Variants in BBS5 observed in about 807,000 individuals in gnomAD.
The protein encoded by BBS5 is BBSome complex member BBS5.
In BBS5, 39 loss-of-function variants were observed where a neutral mutation model predicts 50.2. That is an observed-to-expected ratio of 0.78 (90% CI 0.60 to 1.01). The LOEUF (loss-of-function observed/expected upper bound fraction) is 1.01. Ranked by LOEUF, BBS5 falls within the 50% of genes least tolerant of loss-of-function variation. The pLI is 0.00. For synonymous variants in BBS5, 134 were observed against 133.1 expected (o/e 1.01, Z -0.05); for missense variants, 356 against 401.5 (o/e 0.89, Z 0.97).
In BBS5 at chr2:169,499,986, G is replaced by A. The variant is rs1267281468; in HGVS notation, c.816+366G>A. Among the ~76,000 whole-genome samples the A allele has an allele frequency of 2.6e-5, 4 of 152,222 alleles. No individual in the cohort carries two copies. In the South Asian group the frequency reaches 6.2e-4, roughly 24 times the overall value. Reference sequence around the variant, plus strand: ...AAACCTTATAGTCCTCATGAATACCGTCTTCTGCCTTAGTACTCCACAATA... The same window carrying A: ...AAACCTTATAGTCCTCATGAATACCATCTTCTGCCTTAGTACTCCACAATA... On this transcript the variant is annotated intron_variant, in intron 9 of 11. Transcript: ENST00000295240.
intron 11 of BBS5, 70 bp from the exon 12 acceptor site, chr2:169,504,411 T>C (rs868653164): frequency 1.9e-6 from 3 of 1,581,414 alleles, no homozygotes; most frequent in African/African-American, 2.7e-5. Flanking sequence ...GTGAAACCTA[T>C]TTTTTTGTTT....
At chr2:169,489,554 C>G (rs1411688768) in intron 5 of BBS5, among the ~76,000 whole-genome samples, 1 of 151,384 alleles carries the variant, frequency 6.6e-6, no homozygotes, top group African/African-American at 2.4e-5. Flanking sequence ...GATTCTCCTG[C>G]CTCAGCCTCC....
intron 7 of BBS5, among the ~76,000 whole-genome samples, chr2:169,494,357 C>G (rs1014270196): frequency 1.3e-5 from 2 of 152,136 alleles, no homozygotes; most frequent in African/African-American, 4.8e-5. Context: ...ATTCATACCA[C>G]AGGTTTAGTG....
At chr2:169,500,580 G>T (rs562375692) in intron 9 of BBS5, among the ~76,000 whole-genome samples, 1 of 152,188 alleles carries the variant, frequency 6.6e-6, no homozygotes, top group Non-Finnish European at 1.5e-5. Context: ...CGGTGCCCCT[G>T]CTGGGGCTTG....
Position 169,499,583 on chromosome 2 carries a change from G to A in BBS5, c.779G>A (p.Ser260Asn). 6.2e-7 allele frequency: 1 copy of A among 1,613,796 alleles called. No homozygotes were observed. Among genetic ancestry groups the A allele is most frequent in the Middle Eastern group, 1.7e-4 (1 of 6,060 alleles). ...TCACTTCACAAAGTCTATTCTGCCAGTCCCATATTTGGAGTTGATTATGAG... is the reference window on the plus strand; with the variant it reads ...TCACTTCACAAAGTCTATTCTGCCAATCCCATATTTGGAGTTGATTATGAG... ...INSLHKVYSASPIFGVDYEME... is the reference protein window; with the variant it reads ...INSLHKVYSANPIFGVDYEME... Residue 260 changes from serine to asparagine, a missense_variant, in exon 9 of 12, where the codon AGT (serine) becomes AAT (asparagine). Ser to Asn is a conservative substitution (Grantham distance 46). Coordinates refer to ENST00000295240, the MANE Select transcript of BBS5 (RefSeq NM_152384.3).
Position 169,493,848 on chromosome 2 carries a change from C to A in BBS5, c.618+12C>A, listed in dbSNP as rs771894963. ...CATATCTGCAAATTGTAAGTACATA[C>A]ATTTTGATGACCTTATTTTAATGTA... On this transcript the variant is annotated intron_variant, in intron 7 of 11. Coordinates refer to ENST00000295240, the MANE Select transcript of BBS5 (RefSeq NM_152384.3). The A allele has an allele frequency of 3.3e-6, 5 of 1,495,446 alleles. No homozygotes were observed. Among genetic ancestry groups the A allele is most frequent in the Non-Finnish European group, 2.8e-6 (3 of 1,073,210 alleles). The allele number at this position is 1,495,446 out of a possible 1,614,324, so 92.6% of individuals were successfully genotyped here.
chr2:169,488,388 G>A (rs917613011), intron 5 of BBS5, among the ~76,000 whole-genome samples: 3 of 152,254 alleles, frequency 2.0e-5, no homozygotes, highest in African/African-American at 4.8e-5. Context: ...GGGGTGATGG[G>A]AGACAATGAC....
At chr2:169,490,300 T>A (rs1033420094) in intron 5 of BBS5, among the ~76,000 whole-genome samples, 4 of 149,864 alleles carry the variant, frequency 2.7e-5, no homozygotes, top group African/African-American at 4.9e-5. Context: ...TTCACGCCAT[T>A]CTCCTGCCTC....
intron 5 of BBS5, among the ~76,000 whole-genome samples, chr2:169,490,255 C>T (rs961406605): frequency 2.3e-4 from 30 of 132,148 alleles, no homozygotes; most frequent in Non-Finnish European, 3.1e-4. Flanking sequence ...TGCAGTGGCG[C>T]GATGGTCGGC....
chr2:169,498,888 A>G (rs2105301228), intron 8 of BBS5: 1 of 152,408 alleles, frequency 6.6e-6, no homozygotes, highest in East Asian at 1.9e-4. Flanking sequence ...TAGAACCAGA[A>G]TTTGAACATT....
intron 9 of BBS5, among the ~76,000 whole-genome samples, chr2:169,502,510 C>T (rs1194513334): frequency 2.0e-5 from 3 of 152,134 alleles, no homozygotes; most frequent in Admixed American, 6.5e-5. Context: ...ATTTAGTTAT[C>T]GGTCATTGTG....
At chr2:169,499,295 C>A (rs192149331) in intron 8 of BBS5, 191 bp from the exon 9 acceptor site, 3 of 554,382 alleles carry the variant, frequency 5.4e-6, no homozygotes, top group Non-Finnish European at 6.3e-6. Flanking sequence ...ATGATGGCTC[C>A]GTGGAGGCCC....
Position 169,489,851 on chromosome 2 carries a change from C to CTTTTTTTTTTTTT in BBS5, c.386+1766_386+1778dup, listed in dbSNP as rs71003093. ...TATTTTTTGGCTTCTCATAAATTTC[C>CTTTTTTTTTTTTT]TTTTTTTTTTTTTTTTTTTTTTTTT... On this transcript the variant is annotated intron_variant, in intron 5 of 11. Coordinates refer to ENST00000295240, the MANE Select transcript of BBS5 (RefSeq NM_152384.3). Among the ~76,000 whole-genome samples the CTTTTTTTTTTTTT allele has an allele frequency of 2.1e-4, 14 of 65,898 alleles. 2 individuals are homozygous for CTTTTTTTTTTTTT. Among genetic ancestry groups the CTTTTTTTTTTTTT allele is most frequent in the Non-Finnish European group, 3.4e-4 (13 of 37,958 alleles). The allele number at this position is 65,898 out of a possible 152,430, so 43.2% of individuals were successfully genotyped here.
chr2:169,492,208 G>A (rs2105297352), intron 5 of BBS5, among the ~76,000 whole-genome samples: 1 of 152,130 alleles, frequency 6.6e-6, no homozygotes, highest in African/African-American at 2.4e-5. Context: ...TTAAAAAATA[G>A]GGGCTGGGCA....
chr2:169,492,962 C>T lies in BBS5; in HGVS notation c.475C>T (p.His159Tyr), dbSNP rs757525125. ...GCAACTAAGACTGTTGCCACAAGAACATGTATATGATAAAATAAATGGAGT... is the reference window on the plus strand; with the variant it reads ...GCAACTAAGACTGTTGCCACAAGAATATGTATATGATAAAATAAATGGAGT... ...NKQLRLLPQE[H>Y]VYDKINGVWN... is the part of the protein sequence containing the mutation. The change falls in exon 6 of 12, where the codon CAT becomes TAT. Residue 159 changes from histidine (H) to tyrosine (Y), a missense_variant. Physicochemically the swap from His to Tyr is moderately conservative, Grantham distance 83. Transcript: ENST00000295240. 1.4e-5 allele frequency: 23 copies of T among 1,613,486 alleles called. No individual in the cohort carries two copies. The highest frequency in any genetic ancestry group is 1.2e-4 in the Admixed American group (7 of 60,018).
At chr2:169,497,371 T>C (rs1683711263) in intron 7 of BBS5, among the ~76,000 whole-genome samples, 1 of 152,182 alleles carries the variant, frequency 6.6e-6, no homozygotes, top group Non-Finnish European at 1.5e-5. Flanking sequence ...AAGTGAGAAA[T>C]ATTTGAGTCC....
Position 169,504,531 on chromosome 2 carries a change from G to C in BBS5, c.975G>C (p.Glu325Asp). The C allele has an allele frequency of 6.2e-7, 1 of 1,614,036 alleles. No homozygotes were observed. Among genetic ancestry groups the C allele is most frequent in the Non-Finnish European group, 8.5e-7 (1 of 1,179,988 alleles). Reference sequence around the variant, plus strand: ...CAGAAGAACTGGGGCTTGCAATAGAGAAATTGAAGGATGGATTCACCCTAC... The same window carrying C: ...CAGAAGAACTGGGGCTTGCAATAGACAAATTGAAGGATGGATTCACCCTAC... ...VFSEELGLAI[E>D]KLKDGFTLQG... Residue 325 changes from glutamate (E) to aspartate (D), a missense_variant, in exon 12 of 12, where the codon GAG becomes GAC. Glu to Asp is a conservative substitution (Grantham distance 45). Coordinates refer to ENST00000295240, the MANE Select transcript of BBS5 (RefSeq NM_152384.3).
intron 10 of BBS5, among the ~76,000 whole-genome samples, chr2:169,503,572 A>G (rs904632167): frequency 2.6e-4 from 39 of 152,346 alleles, no homozygotes; most frequent in African/African-American, 8.7e-4. Flanking sequence ...TTAGATATCT[A>G]AAGTTTTTTC....
Position 169,499,510 on chromosome 2 carries a change from A to G in BBS5, c.706A>G (p.Lys236Glu). Residue 236 changes from lysine to glutamate, a missense_variant, in exon 9 of 12, where the codon AAA becomes GAA. Lys to Glu is a moderately conservative substitution (Grantham distance 56). Coordinates refer to ENST00000295240, the MANE Select transcript of BBS5 (RefSeq NM_152384.3). ...QQSGGYVLGFKIDPVEKLQES... is the reference protein window; with the variant it reads ...QQSGGYVLGFEIDPVEKLQES... ...GAGTGGTGGATATGTTCTTGGCTTTAAAATAGATCCTGTGGAAAAACTACA... is the reference window on the plus strand; with the variant it reads ...GAGTGGTGGATATGTTCTTGGCTTTGAAATAGATCCTGTGGAAAAACTACA... The G allele has an allele frequency of 6.2e-7, 1 of 1,613,520 alleles. No individual in the cohort carries two copies. Among genetic ancestry groups the G allele is most frequent in the Non-Finnish European group, 8.5e-7 (1 of 1,179,606 alleles).
Sources: gnomAD v4.1 joint callset for allele counts (sites outside exome capture counted in the v4.1 genomes callset) on GRCh38, gnomAD v4.1.1 for gene constraint, MANE v1.5 for transcripts, NCBI Gene and HGNC (gene_info 2026-07-23, HGNC 2026-07-21) for gene names.